STMN2: variants seen among roughly 807,000 people sequenced by gnomAD.
STMN2 encodes stathmin-2.
STMN2 carries 2 observed loss-of-function variants against 24.1 expected under a neutral mutation model. The observed-to-expected ratio is 0.08, with a 90% confidence interval of 0.03 to 0.26. STMN2 has a LOEUF of 0.26. Ranked by LOEUF, STMN2 falls within the 10% of genes least tolerant of loss-of-function variation. The pLI is 1.00. For synonymous variants in STMN2, 83 were observed against 77.5 expected, an observed-to-expected ratio of 1.07 and a Z score of -0.37; for missense variants, 114 against 213.6, an observed-to-expected ratio of 0.53 and a Z score of 2.91.
At chr8:79,640,423 T>C (rs1810070542) in intron 2 of STMN2, among the ~76,000 whole-genome samples, 1 of 147,438 alleles carries the variant, frequency 6.8e-6, no homozygotes, top group East Asian at 1.9e-4. Flanking sequence ...TTCACCCATG[T>C]TGTCAAAAAT....
chr8:79,654,885 G>A lies in STMN2; in HGVS notation c.303G>A (p.Gln101=). The A allele has an allele frequency of 6.2e-7, 1 of 1,612,868 alleles. No homozygotes were observed. Among genetic ancestry groups the A allele is most frequent in the South Asian group, 1.1e-5 (1 of 91,016 alleles). Residue 101 remains glutamine (Q), a synonymous_variant, in exon 4 of 5, where the codon CAG becomes CAA. Coordinates refer to ENST00000220876, the MANE Select transcript of STMN2 (RefSeq NM_007029.4). The part of the protein sequence containing the change: ...AEERRKSQEA[Q]VLKQLAEKRE... ...TTCTTCCCCAGTCTCAGGAGGCCCA[G>A]GTGCTGAAACAATTGGCAGAGAAGA... is the stretch of plus-strand genomic sequence containing the variant.
chr8:79,632,973 G>C (rs1016471364), intron 1 of STMN2, among the ~76,000 whole-genome samples: 4 of 152,108 alleles, frequency 2.6e-5, no homozygotes, highest in Admixed American at 1.3e-4. Flanking sequence ...TTCAGTTACT[G>C]TTTCCTATCA....
At chr8:79,614,533 G>A (rs1292367688) in intron 1 of STMN2, among the ~76,000 whole-genome samples, 6 of 152,352 alleles carry the variant, frequency 3.9e-5, no homozygotes, top group African/African-American at 1.4e-4. Context: ...AACACTCTCT[G>A]TCCCAGTGTA....
At chr8:79,658,200 T>C (rs946843860) in intron 4 of STMN2, among the ~76,000 whole-genome samples, 12 of 152,080 alleles carry the variant, frequency 7.9e-5, no homozygotes, top group Admixed American at 7.2e-4. Flanking sequence ...CTTCAGAGGC[T>C]GAGATGAAAG....
At chr8:79,661,547 A>T (rs1281898559) in intron 4 of STMN2, among the ~76,000 whole-genome samples, 4 of 152,128 alleles carry the variant, frequency 2.6e-5, no homozygotes, top group Non-Finnish European at 5.9e-5. Context: ...AACATGTCTG[A>T]TGAATGAATA....
intron 4 of STMN2, among the ~76,000 whole-genome samples, chr8:79,661,935 G>C (rs1023832841): frequency 2.0e-5 from 3 of 152,094 alleles, no homozygotes; most frequent in Non-Finnish European, 4.4e-5. Flanking sequence ...TGATGATACT[G>C]ACCTCATCTT....
chr8:79,660,466 G>T (rs1806478946), intron 4 of STMN2, among the ~76,000 whole-genome samples: 2 of 152,056 alleles, frequency 1.3e-5, no homozygotes, highest in Admixed American at 1.3e-4. Context: ...GGAAATAAAA[G>T]AAATTGCTTC....
At chr8:79,611,814 G>T (rs1219696699) in intron 1 of STMN2, 7 of 732,162 alleles carry the variant, frequency 9.6e-6, no homozygotes, top group South Asian at 1.2e-4. Flanking sequence ...GGGACAGGGT[G>T]GGGGTAGGAC....
chr8:79,618,996 A>G (rs989947310), intron 1 of STMN2, among the ~76,000 whole-genome samples: 2 of 152,224 alleles, frequency 1.3e-5, no homozygotes, highest in African/African-American at 4.8e-5. Context: ...GAAATAGATA[A>G]TTACAGTTCT....
chr8:79,660,903 A>T (rs1806488066), intron 4 of STMN2, among the ~76,000 whole-genome samples: 2 of 150,578 alleles, frequency 1.3e-5, no homozygotes, highest in Non-Finnish European at 3.0e-5. Flanking sequence ...TATGATAGTT[A>T]GTGCTCAATT....
At chr8:79,628,817 CTTTTATA>C (rs1333303727) in intron 1 of STMN2, among the ~76,000 whole-genome samples, 2 of 152,104 alleles carry the variant, frequency 1.3e-5, no homozygotes, top group Non-Finnish European at 2.9e-5. Flanking sequence ...AGTAAGTTGT[CTTTTATA>C]TTTTGACCCT....
chr8:79,652,906 A>C (rs1402694198), intron 3 of STMN2, among the ~76,000 whole-genome samples: 1 of 152,156 alleles, frequency 6.6e-6, no homozygotes, highest in Admixed American at 6.5e-5. Flanking sequence ...AGGATGCTTT[A>C]CCAACAGTCC....
intron 1 of STMN2, among the ~76,000 whole-genome samples, chr8:79,620,354 T>G (rs538305860): frequency 6.6e-6 from 1 of 151,944 alleles, no homozygotes; most frequent in Non-Finnish European, 1.5e-5. Context: ...TAATAAAACA[T>G]GCACAGTGAG....
intron 1 of STMN2, among the ~76,000 whole-genome samples, chr8:79,636,074 A>T (rs1809944165): frequency 6.6e-6 from 1 of 151,932 alleles, no homozygotes; most frequent in African/African-American, 2.4e-5. Flanking sequence ...AAAATTATCC[A>T]GGCATGGTGG....
At position 79,654,906 on chromosome 8, in the gene STMN2, G is replaced by C. The variant is rs1810413869; in HGVS notation, c.324G>C (p.Glu108Asp). 3.7e-6 allele frequency: 6 copies of C among 1,613,612 alleles called. No homozygotes were observed. The highest frequency in any genetic ancestry group is 5.1e-6 in the Non-Finnish European group (6 of 1,179,768). The change falls in exon 4 of 5, where the codon GAG becomes GAC. Residue 108 changes from glutamate (E) to aspartate (D), a missense_variant. Glu to Asp is a conservative substitution (Grantham distance 45). Transcript: ENST00000220876. Reference sequence around the variant, plus strand: ...CCCAGGTGCTGAAACAATTGGCAGAGAAGAGGGAACACGAGCGAGAAGTCC... The same window carrying C: ...CCCAGGTGCTGAAACAATTGGCAGACAAGAGGGAACACGAGCGAGAAGTCC... ...QEAQVLKQLA[E>D]KREHEREVLQ...
At chr8:79,655,494 A>T (rs1333143038) in intron 4 of STMN2, among the ~76,000 whole-genome samples, 1 of 152,174 alleles carries the variant, frequency 6.6e-6, no homozygotes, top group Middle Eastern at 3.4e-3. Flanking sequence ...ATATTAAATT[A>T]GAAAAATATA....
intron 1 of STMN2, among the ~76,000 whole-genome samples, chr8:79,629,347 C>T (rs117902204): frequency 3.7e-4 from 57 of 152,134 alleles, no homozygotes; most frequent in Non-Finnish European, 6.6e-4. Context: ...AGACATATTA[C>T]TTAAGTATGA....
intron 4 of STMN2, chr8:79,663,829 G>T (rs563608535): frequency 5.0e-6 from 1 of 199,686 alleles, no homozygotes; most frequent in East Asian, 1.9e-4. Flanking sequence ...GTCATCTGAT[G>T]TATAGCCACA....
At chr8:79,628,647 T>C (rs993857873) in intron 1 of STMN2, among the ~76,000 whole-genome samples, 2 of 152,196 alleles carry the variant, frequency 1.3e-5, no homozygotes, top group Non-Finnish European at 2.9e-5. Flanking sequence ...TGCATTTCCC[T>C]GATGATTAGT....
Sources: gnomAD v4.1 joint callset for allele counts (sites outside exome capture counted in the v4.1 genomes callset) on GRCh38, gnomAD v4.1.1 for gene constraint, MANE v1.5 for transcripts, NCBI Gene and HGNC (gene_info 2026-07-23, HGNC 2026-07-21) for gene names.